The following FBXW7 variants were observed in gnomAD, a reference collection of about 807,000 sequenced individuals.
FBXW7 encodes the protein F-box and WD repeat domain containing 7, also known as F-box/WD repeat-containing protein 7.
A neutral mutation model predicts 86.3 loss-of-function variants in FBXW7; 11 were observed. The ratio of observed to expected loss-of-function variants is 0.13; its 90% CI spans 0.08 to 0.21. The LOEUF is 0.21. Ranked by LOEUF, FBXW7 falls within the 10% of genes least tolerant of loss-of-function variation. The probability of loss-of-function intolerance (pLI) is 1.00; values close to 1 mark genes in which losing one functional copy is unlikely to be tolerated. For synonymous variants in FBXW7, 313 were observed against 297.9 expected (o/e 1.05, Z -0.52); for missense variants, 488 against 847.4 (o/e 0.58, Z 5.27).
intron 2 of FBXW7, among the ~76,000 whole-genome samples, chr4:152,417,720 C>G (rs1738568183): frequency 6.6e-6 from 1 of 152,040 alleles, no homozygotes; most frequent in Non-Finnish European, 1.5e-5. Context: ...GTGCAGTGGC[C>G]ACAGTGGTAC....
At chr4:152,334,544 C>T (rs1453635218) in intron 7 of FBXW7, among the ~76,000 whole-genome samples, 1 of 152,140 alleles carries the variant, frequency 6.6e-6, no homozygotes, top group Non-Finnish European at 1.5e-5. Context: ...CTTTTCTTTG[C>T]TTTCGTTATC....
At chr4:152,480,329 C>A (rs1227069976) in intron 2 of FBXW7, among the ~76,000 whole-genome samples, 1 of 152,076 alleles carries the variant, frequency 6.6e-6, no homozygotes, top group African/African-American at 2.4e-5. Context: ...CAGAAGATGG[C>A]AAGCTTAACT....
At chr4:152,333,432 T>C (rs1398178800) in intron 7 of FBXW7, among the ~76,000 whole-genome samples, 1 of 151,810 alleles carries the variant, frequency 6.6e-6, no homozygotes, top group Non-Finnish European at 1.5e-5. Context: ...AAACTATTGA[T>C]TTTTTTTCAG....
chr4:152,325,975 G>C (rs762792259), intron 12 of FBXW7, 31 bp downstream of exon 12: 1 of 1,558,660 alleles, frequency 6.4e-7, no homozygotes, highest in Admixed American at 1.7e-5. Context: ...TTCATCAGGA[G>C]AGCATTTAAG....
Position 152,328,321 on chromosome 4 carries a change from A to G in FBXW7, c.1305T>C (p.Ile435=). 3.1e-6 allele frequency: 5 copies of G among 1,594,926 alleles called. No individual in the cohort carries two copies. The highest frequency in any genetic ancestry group is 4.3e-6 in the Non-Finnish European group (5 of 1,171,962). ...WSSQMRDNII[I]SGSTDRTLKV... is the part of the protein sequence containing the mutation. ...TGAGTGTCCGATCTGTAGATCCACT[A>G]ATGATGATGTTGTCTCTCATTTGTG... The change falls in exon 11 of 14, where the codon ATT becomes ATC. Residue 435 remains isoleucine, a synonymous_variant. Coordinates refer to ENST00000281708, the MANE Select transcript of FBXW7 (RefSeq NM_001349798.2).
intron 7 of FBXW7, among the ~76,000 whole-genome samples, chr4:152,335,125 T>C (rs922196139): frequency 6.6e-6 from 1 of 152,166 alleles, no homozygotes; most frequent in African/African-American, 2.4e-5. Flanking sequence ...TTTTGTCATG[T>C]AGGGCTCTAA....
chr4:152,506,165 T>C (rs1747404631), intron 2 of FBXW7, among the ~76,000 whole-genome samples: 1 of 152,070 alleles, frequency 6.6e-6, no homozygotes, highest in Admixed American at 6.6e-5. Flanking sequence ...GGAGTCTTGC[T>C]CTGTCACCCA....
chr4:152,509,203 G>A (rs757695998), intron 2 of FBXW7, among the ~76,000 whole-genome samples: 2 of 152,138 alleles, frequency 1.3e-5, no homozygotes, highest in Admixed American at 6.5e-5. Flanking sequence ...GTGAGAAAAT[G>A]GGTGAAATCT....
intron 4 of FBXW7, among the ~76,000 whole-genome samples, chr4:152,369,846 G>A (rs543122840): frequency 1.3e-5 from 2 of 151,774 alleles, no homozygotes; most frequent in South Asian, 4.2e-4. Context: ...CATATTCCTT[G>A]ACTTCAAATA....
At chr4:152,344,271 A>G (rs968693164) in intron 6 of FBXW7, among the ~76,000 whole-genome samples, 2 of 152,206 alleles carry the variant, frequency 1.3e-5, no homozygotes, top group African/African-American at 4.8e-5. Context: ...AGGGCAGTGT[A>G]CAACAATGAG....
At chr4:152,365,957 C>A (rs1174370857) in intron 4 of FBXW7, among the ~76,000 whole-genome samples, 1 of 152,058 alleles carries the variant, frequency 6.6e-6, no homozygotes, top group Non-Finnish European at 1.5e-5. Flanking sequence ...ATAGTTCCTG[C>A]ATATAGTAGG....
At chr4:152,444,152 G>A (rs777681741) in intron 2 of FBXW7, among the ~76,000 whole-genome samples, 5 of 152,010 alleles carry the variant, frequency 3.3e-5, no homozygotes, top group African/African-American at 4.8e-5. Context: ...CTACAAAAAC[G>A]GTAATTTCAT....
chr4:152,429,929 A>C (rs1416989164), intron 2 of FBXW7, among the ~76,000 whole-genome samples: 1 of 152,196 alleles, frequency 6.6e-6, no homozygotes. Context: ...GAGTAGCTAA[A>C]TTGGTGTTGT....
intron 10 of FBXW7, 152 bp from the exon 11 acceptor site, chr4:152,328,541 CTATT>C (rs762685646): frequency 2.1e-6 from 1 of 482,962 alleles, no homozygotes; most frequent in Non-Finnish European, 3.6e-6. Flanking sequence ...GATCCCATCA[CTATT>C]TATTGTTTTG....
At chr4:152,410,722 T>C (rs1388011070) in intron 4 of FBXW7, among the ~76,000 whole-genome samples, 1 of 152,160 alleles carries the variant, frequency 6.6e-6, no homozygotes, top group African/African-American at 2.4e-5. Flanking sequence ...GAGGATGAAC[T>C]ACCACAGACA....
intron 4 of FBXW7, among the ~76,000 whole-genome samples, chr4:152,404,902 G>A (rs535345623): frequency 5.9e-5 from 9 of 151,940 alleles, no homozygotes; most frequent in Non-Finnish European, 1.2e-4. Context: ...AGACCAGGGT[G>A]GGCAACATAG....
At chr4:152,534,697 C>A (rs1307156131) in intron 2 of FBXW7, among the ~76,000 whole-genome samples, 1 of 152,112 alleles carries the variant, frequency 6.6e-6, no homozygotes, top group Non-Finnish European at 1.5e-5. Context: ...CAGAAAGGTG[C>A]GAGTATTCAC....
chr4:152,488,795 C>A (rs371157268), intron 2 of FBXW7, among the ~76,000 whole-genome samples: 4 of 151,930 alleles, frequency 2.6e-5, no homozygotes, highest in African/African-American at 7.2e-5. Context: ...AGGAACTACC[C>A]ATATAATATT....
chr4:152,431,397 T>G (rs1739878800), intron 2 of FBXW7, among the ~76,000 whole-genome samples: 1 of 152,162 alleles, frequency 6.6e-6, no homozygotes, highest in Admixed American at 6.5e-5. Flanking sequence ...AAAAAAAAGC[T>G]GATTTGTTAA....
Sources: gnomAD v4.1 joint callset for allele counts (sites outside exome capture counted in the v4.1 genomes callset) on GRCh38, gnomAD v4.1.1 for gene constraint, MANE v1.5 for transcripts, NCBI Gene and HGNC (gene_info 2026-07-23, HGNC 2026-07-21) for gene names.